SPAG16: variants seen among roughly 807,000 people sequenced by gnomAD.
SPAG16 encodes sperm-associated antigen 16 protein.
A neutral mutation model predicts 80.4 loss-of-function variants in SPAG16; 86 were observed. That is an observed-to-expected ratio of 1.07 (90% CI 0.90 to 1.28). SPAG16 has a LOEUF of 1.28. SPAG16 is among the 50% of genes most tolerant of loss of function. The pLI, the probability that SPAG16 is intolerant of heterozygous loss-of-function variation, is 0.00. For missense variants in SPAG16, 870 were observed against 765.3 expected (o/e 1.14, Z -1.61); for synonymous variants, 294 against 265.9 (o/e 1.11, Z -1.03).
At chr2:213,440,268 G>C (rs1457033958) in intron 9 of SPAG16, among the ~76,000 whole-genome samples, 1 of 152,128 alleles carries the variant, frequency 6.6e-6, no homozygotes, top group Non-Finnish European at 1.5e-5. Context: ...AGACAATGTA[G>C]GCTGGGTGCA....
intron 12 of SPAG16, among the ~76,000 whole-genome samples, chr2:213,945,460 G>A (rs192147040): frequency 6.6e-6 from 1 of 152,098 alleles, no homozygotes; most frequent in African/African-American, 2.4e-5. Context: ...AGAACGTGGA[G>A]TCAGTTGTTT....
intron 10 of SPAG16, among the ~76,000 whole-genome samples, chr2:213,547,337 T>C (rs2076645596): frequency 6.6e-6 from 1 of 152,128 alleles, no homozygotes; most frequent in Non-Finnish European, 1.5e-5. Flanking sequence ...TATTAAATCC[T>C]TCCCTTGCAT....
intron 10 of SPAG16, among the ~76,000 whole-genome samples, chr2:213,790,021 T>C (rs2070590781): frequency 6.6e-6 from 1 of 151,902 alleles, no homozygotes; most frequent in Non-Finnish European, 1.5e-5. Context: ...ATCTCTCATC[T>C]TTTTTGTCCC....
chr2:214,330,510 A>G (rs2126010840), intron 15 of SPAG16, among the ~76,000 whole-genome samples: 1 of 152,320 alleles, frequency 6.6e-6, no homozygotes, highest in East Asian at 1.9e-4. Context: ...AACACCTGTA[A>G]GAGAATGAGA....
intron 9 of SPAG16, among the ~76,000 whole-genome samples, chr2:213,443,954 A>AT (rs1259617331): frequency 6.6e-6 from 1 of 152,126 alleles, no homozygotes; most frequent in African/African-American, 2.4e-5. Flanking sequence ...GGCTATTTAA[A>AT]AGCCTAATAG....
Position 213,730,731 on chromosome 2 carries a change from C to A in SPAG16, c.1071-131754C>A, listed in dbSNP as rs186950528. ...GTTTGTCATTAATTTGGAGGAAGTT[C>A]TAGCCATTATTTCTTCCAATGTTCT... is the stretch of plus-strand genomic sequence containing the variant. On this transcript the variant is annotated intron_variant, in intron 10 of 15. Coordinates refer to ENST00000331683, the MANE Select transcript of SPAG16 (RefSeq NM_024532.5). 5.0e-4 allele frequency among the ~76,000 whole-genome samples: 76 copies of A among 152,278 alleles called. No individual in the cohort carries two copies. In the Middle Eastern group the frequency reaches 0.017, roughly 34 times the overall value.
intron 15 of SPAG16, among the ~76,000 whole-genome samples, chr2:214,338,207 TG>T (rs1435044167): frequency 6.6e-6 from 1 of 152,192 alleles, no homozygotes; most frequent in Non-Finnish European, 1.5e-5. Flanking sequence ...ATCTATTTCC[TG>T]TAACTTTTAA....
chr2:213,535,950 C>A (rs1363641496), intron 10 of SPAG16, among the ~76,000 whole-genome samples: 2 of 151,798 alleles, frequency 1.3e-5, no homozygotes, highest in African/African-American at 4.8e-5. Context: ...ATAATAGGGA[C>A]ATTTTAAGAA....
intron 10 of SPAG16, among the ~76,000 whole-genome samples, chr2:213,632,804 A>C (rs142140410): frequency 6.6e-6 from 1 of 152,174 alleles, no homozygotes; most frequent in Non-Finnish European, 1.5e-5. Context: ...CCATCCTTGC[A>C]TTCTAGGGAT....
chr2:213,403,138 T>C (rs1328345198), intron 9 of SPAG16, among the ~76,000 whole-genome samples: 10 of 152,156 alleles, frequency 6.6e-5, no homozygotes, highest in African/African-American at 2.2e-4. Flanking sequence ...TGTGAGATGG[T>C]ATCTCATTGT....
chr2:214,012,993 G>A (rs975147724), intron 12 of SPAG16, among the ~76,000 whole-genome samples: 5 of 152,032 alleles, frequency 3.3e-5, no homozygotes, highest in African/African-American at 7.2e-5. Context: ...TTTCAGACAC[G>A]TTTCCAAGTG....
chr2:213,984,370 A>G (rs1188188526), intron 12 of SPAG16, among the ~76,000 whole-genome samples: 1 of 152,116 alleles, frequency 6.6e-6, no homozygotes, highest in African/African-American at 2.4e-5. Flanking sequence ...CCAAATATAT[A>G]CAATATACAA....
intron 15 of SPAG16, among the ~76,000 whole-genome samples, chr2:214,236,342 T>C (rs1689073669): frequency 6.6e-6 from 1 of 152,150 alleles, no homozygotes; most frequent in African/African-American, 2.4e-5. Flanking sequence ...AAACTGGGTA[T>C]GAATACAGTT....
intron 14 of SPAG16, among the ~76,000 whole-genome samples, chr2:214,117,381 G>T (rs2053986332): frequency 1.3e-5 from 2 of 152,122 alleles, no homozygotes; most frequent in East Asian, 1.9e-4. Flanking sequence ...TCAAAGAAAA[G>T]CTCAGAAGTA....
chr2:213,566,272 G>A (rs1486332768), intron 10 of SPAG16, among the ~76,000 whole-genome samples: 1 of 152,110 alleles, frequency 6.6e-6, no homozygotes, highest in African/African-American at 2.4e-5. Context: ...ATTGAGGGAA[G>A]TGCAAAGCCT....
intron 12 of SPAG16, among the ~76,000 whole-genome samples, chr2:213,992,746 C>G (rs2046346325): frequency 6.6e-6 from 1 of 152,098 alleles, no homozygotes; most frequent in African/African-American, 2.4e-5. Flanking sequence ...TTTGTAATAA[C>G]TGACACACTT....
At chr2:214,027,801 G>A (rs1484899027) in intron 13 of SPAG16, among the ~76,000 whole-genome samples, 1 of 151,756 alleles carries the variant, frequency 6.6e-6, no homozygotes, top group African/African-American at 2.4e-5. Context: ...TTTGACACAG[G>A]ATTTTGGACA....
chr2:213,407,840 GAC>G (rs201594731), intron 9 of SPAG16, among the ~76,000 whole-genome samples: 3,224 of 102,858 alleles, frequency 0.031, 40 homozygotes, highest in Non-Finnish European at 0.061. Context: ...GAGAGAGAGA[GAC>G]AGGAGAGAGG....
At chr2:213,729,872 T>C (rs1559416626) in intron 10 of SPAG16, among the ~76,000 whole-genome samples, 2 of 152,334 alleles carry the variant, frequency 1.3e-5, no homozygotes, top group East Asian at 3.9e-4. Context: ...AGTCCTCAGC[T>C]AGGCAGTGAC....
Sources: allele counts gnomAD v4.1 joint callset (sites outside exome capture counted in the v4.1 genomes callset), GRCh38; gene constraint gnomAD v4.1.1; transcripts MANE v1.5; gene names NCBI Gene and HGNC (gene_info 2026-07-23, HGNC 2026-07-21).